Variants in KCNK10 observed in about 807,000 individuals in gnomAD.
The protein encoded by KCNK10 is potassium two pore domain channel subfamily K member 10, also known as potassium channel subfamily K member 10.
KCNK10 carries 25 observed loss-of-function variants against 47.7 expected under a neutral mutation model. The observed-to-expected ratio is 0.52, with a 90% CI of 0.38 to 0.73. The LOEUF (loss-of-function observed/expected upper bound fraction) is 0.73, where lower values mean the gene tolerates loss of function less well. KCNK10 is among the 30% of genes least tolerant of loss of function. The pLI is 0.00. For synonymous variants in KCNK10, 303 were observed against 285.6 expected (o/e 1.06, Z -0.61); for missense variants, 563 against 714.5 (o/e 0.79, Z 2.42).
intron 1 of KCNK10, among the ~76,000 whole-genome samples, chr14:88,272,684 A>C (rs2139764312): frequency 6.6e-6 from 1 of 152,290 alleles, no homozygotes. Context: ...CACAGGGAGA[A>C]GAGCCAGGGG....
chr14:88,248,384 A>G (rs1886700727), intron 2 of KCNK10, among the ~76,000 whole-genome samples: 1 of 152,158 alleles, frequency 6.6e-6, no homozygotes, highest in Admixed American at 6.5e-5. Flanking sequence ...GTAGCTATTT[A>G]CCTTAGGGCT....
chr14:88,310,913 C>T (rs1057276861), intron 1 of KCNK10, among the ~76,000 whole-genome samples: 1 of 152,118 alleles, frequency 6.6e-6, no homozygotes, highest in Non-Finnish European at 1.5e-5. Context: ...AGCGAGCGCA[C>T]CACAGTTTTG....
chr14:88,192,316 A>T lies in KCNK10; in HGVS notation c.776T>A (p.Ile259Asn). 6.2e-7 allele frequency: 1 copy of T among 1,614,180 alleles called. No homozygotes were observed. The highest frequency in any genetic ancestry group is 8.5e-7 in the Non-Finnish European group (1 of 1,180,030). Reference protein sequence around the residue: ...CIVFVTIPAVIFKYIEGWTAL... With the variant: ...CIVFVTIPAVNFKYIEGWTAL... Reference sequence around the variant, plus strand: ...CGTCCAGCCCTCGATGTACTTAAAGATGACAGCAGGGATCGTCACAAACAC... The same window carrying T: ...CGTCCAGCCCTCGATGTACTTAAAGTTGACAGCAGGGATCGTCACAAACAC... The change falls in exon 5 of 7, where the codon ATC (isoleucine) becomes AAC (asparagine). Residue 259 changes from isoleucine to asparagine, a missense_variant. By Grantham distance (149) the Ile-to-Asn change is moderately radical. Coordinates refer to ENST00000319231, the MANE Select transcript of KCNK10 (RefSeq NM_138317.3).
chr14:88,286,772 C>A (rs1453225369), intron 1 of KCNK10, among the ~76,000 whole-genome samples: 1 of 152,096 alleles, frequency 6.6e-6, no homozygotes, highest in Non-Finnish European at 1.5e-5. Flanking sequence ...TATTCACTAC[C>A]ACGAGAACAG....
intron 1 of KCNK10, among the ~76,000 whole-genome samples, chr14:88,292,453 G>A (rs12896222): frequency 0.053 from 8,027 of 152,028 alleles, 275 homozygotes; most frequent in East Asian, 0.084. Flanking sequence ...GGGTTCAAGC[G>A]ATTCTCCTGC....
At chr14:88,255,595 G>T (rs1040007736) in intron 2 of KCNK10, among the ~76,000 whole-genome samples, 9 of 151,870 alleles carry the variant, frequency 5.9e-5, no homozygotes, top group Admixed American at 3.3e-4. Flanking sequence ...CCCACAGACA[G>T]ACAGTGTCCA....
intron 4 of KCNK10, among the ~76,000 whole-genome samples, chr14:88,204,069 C>T (rs1392982525): frequency 6.6e-6 from 1 of 152,192 alleles, no homozygotes; most frequent in Non-Finnish European, 1.5e-5. Context: ...CTTCTTTGCA[C>T]TCCCCTGCAT....
chr14:88,313,989 T>C (rs1888378000), intron 1 of KCNK10, among the ~76,000 whole-genome samples: 1 of 152,168 alleles, frequency 6.6e-6, no homozygotes, highest in Non-Finnish European at 1.5e-5. Flanking sequence ...AATTTAACAG[T>C]TTATGAAGTT....
At position 88,180,144 on chromosome 14, in the gene KCNK10, C is replaced by A. The variant is rs1412223682; in HGVS notation, c.*5391G>T. 1 of 151,970 alleles carries A rather than the reference C, an allele frequency of 6.6e-6. No homozygotes were observed. Among genetic ancestry groups the A allele is most frequent in the East Asian group, 1.9e-4 (1 of 5,328 alleles). The allele number at this position is 151,970 out of a possible 1,614,324, so 9.4% of individuals were successfully genotyped here. ...AGAAGGTCTTTGTTGCAATTTTTCT[C>A]CATCATTGAAAAAAAAATTACATCA... On this transcript the variant is annotated 3_prime_UTR_variant, in exon 7 of 7. Transcript: ENST00000319231.
In KCNK10 at chr14:88,183,643, T is replaced by C. The variant is rs1331379462; in HGVS notation, c.*1892A>G. 6.6e-6 allele frequency: 1 copy of C among 152,352 alleles called. No homozygotes were observed. The highest frequency in any genetic ancestry group is 2.4e-5 in the African/African-American group (1 of 41,450). The allele number at this position is 152,352 out of a possible 1,614,324, so 9.4% of individuals were successfully genotyped here. ...CTCATCTCCAGTCCAATGGAGGAGTTGACTTAGACCTTCCTTGGACAGGAA... is the reference window on the plus strand; with the variant it reads ...CTCATCTCCAGTCCAATGGAGGAGTCGACTTAGACCTTCCTTGGACAGGAA... On this transcript the variant is annotated 3_prime_UTR_variant, in exon 7 of 7. Transcript: ENST00000319231.
chr14:88,267,373 T>C (rs1887289507), intron 1 of KCNK10, among the ~76,000 whole-genome samples: 1 of 150,348 alleles, frequency 6.7e-6, no homozygotes, highest in Non-Finnish European at 1.5e-5. Flanking sequence ...CTTTTTCTTT[T>C]TCTTTTTTTT....
chr14:88,292,193 G>A (rs1022258517), intron 1 of KCNK10, among the ~76,000 whole-genome samples: 5 of 152,192 alleles, frequency 3.3e-5, no homozygotes, highest in African/African-American at 1.2e-4. Context: ...GACTGTGGTG[G>A]AGCCAAAAGC....
At chr14:88,279,504 C>T (rs557717607) in intron 1 of KCNK10, among the ~76,000 whole-genome samples, 1 of 152,082 alleles carries the variant, frequency 6.6e-6, no homozygotes, top group East Asian at 1.9e-4. Context: ...AAATACAGGA[C>T]ACCCAGTGAA....
intron 4 of KCNK10, among the ~76,000 whole-genome samples, chr14:88,205,979 T>C (rs1033504061): frequency 6.6e-6 from 1 of 152,154 alleles, no homozygotes; most frequent in Non-Finnish European, 1.5e-5. Flanking sequence ...ATTTTATAAT[T>C]TGGAATTCTA....
chr14:88,251,232 C>CAAAA lies in KCNK10; in HGVS notation c.403-10416_403-10413dup, dbSNP rs1160023262. 5.3e-4 allele frequency among the ~76,000 whole-genome samples: 37 copies of CAAAA among 69,886 alleles called. 1 individual carries two copies. The highest frequency in any genetic ancestry group is 1.1e-3 in the African/African-American group (18 of 16,790). 45.8% of individuals were successfully genotyped at this position (69,886 alleles called of 152,430 possible). A position where few individuals can be genotyped will look rare whatever the true frequency, so the allele number is the denominator to read the frequency against. Reference sequence around the variant, plus strand: ...TGGGAGACAGAGCAAGACTCTGTCTCAAAAAAAAAAAAAAAAAAAAAGAAC... The same window carrying CAAAA: ...TGGGAGACAGAGCAAGACTCTGTCTCAAAAAAAAAAAAAAAAAAAAAAAAAGAAC... On this transcript the variant is annotated intron_variant, in intron 2 of 6. Coordinates refer to ENST00000319231, the MANE Select transcript of KCNK10 (RefSeq NM_138317.3).
intron 4 of KCNK10, among the ~76,000 whole-genome samples, chr14:88,207,322 G>A (rs866784261): frequency 2.2e-4 from 34 of 151,906 alleles, no homozygotes; most frequent in South Asian, 1.5e-3. Context: ...ACAGGGGCCC[G>A]CCATCGCGCC....
chr14:88,245,561 A>G (rs918164688), intron 2 of KCNK10, among the ~76,000 whole-genome samples: 4 of 152,206 alleles, frequency 2.6e-5, no homozygotes, highest in Admixed American at 1.3e-4. Flanking sequence ...CATGAGCGTT[A>G]GTGCTGCACT....
At chr14:88,245,663 T>G (rs1449432669) in intron 2 of KCNK10, among the ~76,000 whole-genome samples, 1 of 152,146 alleles carries the variant, frequency 6.6e-6, no homozygotes, top group East Asian at 1.9e-4. Context: ...TTTCTCTGTT[T>G]CCTTATGTGC....
chr14:88,208,845 C>G (rs900556013), intron 4 of KCNK10, among the ~76,000 whole-genome samples: 1 of 152,012 alleles, frequency 6.6e-6, no homozygotes, highest in African/African-American at 2.4e-5. Flanking sequence ...ACGAGATGCC[C>G]GATACACCCA....
Sources: allele counts gnomAD v4.1 joint callset (sites outside exome capture counted in the v4.1 genomes callset), GRCh38; gene constraint gnomAD v4.1.1; transcripts MANE v1.5; gene names NCBI Gene and HGNC (gene_info 2026-07-23, HGNC 2026-07-21).